Variants in KCNMB2 observed in about 807,000 individuals in gnomAD.
The protein encoded by KCNMB2 is calcium-activated potassium channel subunit beta-2.
KCNMB2 carries 9 observed loss-of-function variants against 24.5 expected under a neutral mutation model. That is an observed-to-expected ratio of 0.37 (90% CI 0.22 to 0.64). The LOEUF (loss-of-function observed/expected upper bound fraction) is 0.64, where lower values mean the gene tolerates loss of function less well. Ranked by LOEUF, KCNMB2 falls within the 30% of genes least tolerant of loss-of-function variation. The pLI, the probability that KCNMB2 is intolerant of heterozygous loss-of-function variation, is 0.63. For synonymous variants in KCNMB2, 109 were observed against 104.4 expected (o/e 1.04, Z -0.27); for missense variants, 226 against 284.3 (o/e 0.79, Z 1.47).
intron 1 of KCNMB2, among the ~76,000 whole-genome samples, chr3:178,623,997 A>G (rs1197131087): frequency 1.3e-5 from 2 of 152,196 alleles, no homozygotes; most frequent in East Asian, 1.9e-4. Flanking sequence ...GATAAATTAC[A>G]TCAGACACAG....
chr3:178,800,013 T>C (rs1278328374), intron 1 of KCNMB2, among the ~76,000 whole-genome samples: 1 of 152,086 alleles, frequency 6.6e-6, no homozygotes, highest in Non-Finnish European at 1.5e-5. Context: ...TCTTGCCATG[T>C]GCAAAAAACA....
At chr3:178,548,324 A>G (rs1349604565) in intron 1 of KCNMB2, among the ~76,000 whole-genome samples, 1 of 152,130 alleles carries the variant, frequency 6.6e-6, no homozygotes, top group Admixed American at 6.6e-5. Context: ...AGATCATGCA[A>G]ATGAATAGTT....
intron 1 of KCNMB2, among the ~76,000 whole-genome samples, chr3:178,581,943 G>A (rs1165586926): frequency 6.6e-6 from 1 of 152,216 alleles, no homozygotes; most frequent in African/African-American, 2.4e-5. Flanking sequence ...CATTGTGGAA[G>A]ACAGTGTGGC....
At chr3:178,592,176 A>T (rs1047825813) in intron 1 of KCNMB2, among the ~76,000 whole-genome samples, 1 of 152,138 alleles carries the variant, frequency 6.6e-6, no homozygotes, top group Non-Finnish European at 1.5e-5. Context: ...TGATCTGATT[A>T]TCTTAATCAC....
intron 1 of KCNMB2, among the ~76,000 whole-genome samples, chr3:178,661,499 T>C (rs1720528921): frequency 6.6e-6 from 1 of 152,156 alleles, no homozygotes; most frequent in African/African-American, 2.4e-5. Flanking sequence ...ATACAGTCTC[T>C]CTTGCGGTCA....
chr3:178,766,737 T>C (rs183584285), intron 1 of KCNMB2, among the ~76,000 whole-genome samples: 1 of 152,348 alleles, frequency 6.6e-6, no homozygotes, highest in Admixed American at 6.5e-5. Context: ...TGGACGTTAC[T>C]TTAGATGCAA....
intron 1 of KCNMB2, among the ~76,000 whole-genome samples, chr3:178,616,064 T>C (rs1718694141): frequency 6.6e-6 from 1 of 152,056 alleles, no homozygotes; most frequent in East Asian, 1.9e-4. Context: ...TCTTCCCCAC[T>C]CTTCCCTTTC....
At chr3:178,713,077 T>C (rs1458198379) in intron 1 of KCNMB2, among the ~76,000 whole-genome samples, 2 of 152,210 alleles carry the variant, frequency 1.3e-5, no homozygotes, top group African/African-American at 4.8e-5. Flanking sequence ...TGTTCAAATA[T>C]GAAATGGACT....
At chr3:178,631,604 T>A (rs1323082721) in intron 1 of KCNMB2, among the ~76,000 whole-genome samples, 3 of 152,184 alleles carry the variant, frequency 2.0e-5, no homozygotes, top group African/African-American at 7.2e-5. Flanking sequence ...GATGAACAGA[T>A]GAATAATTGT....
At chr3:178,619,996 G>T (rs1372160472) in intron 1 of KCNMB2, among the ~76,000 whole-genome samples, 1 of 152,130 alleles carries the variant, frequency 6.6e-6, no homozygotes, top group Admixed American at 6.5e-5. Flanking sequence ...CTATGTCTTA[G>T]TTCCTTTTGT....
chr3:178,582,621 AGTCATTCAAAAG>A (rs1473250039), intron 1 of KCNMB2, among the ~76,000 whole-genome samples: 3 of 152,210 alleles, frequency 2.0e-5, no homozygotes, highest in Non-Finnish European at 2.9e-5. Flanking sequence ...ATACAGGGCA[AGTCATTCAAAAG>A]GTCACTTTTT....
At chr3:178,638,682 G>C (rs960796201) in intron 1 of KCNMB2, among the ~76,000 whole-genome samples, 5 of 152,160 alleles carry the variant, frequency 3.3e-5, no homozygotes, top group African/African-American at 4.8e-5. Flanking sequence ...CATATGTATT[G>C]AGGTTGAAGT....
At chr3:178,642,385 C>T (rs1719758953) in intron 1 of KCNMB2, among the ~76,000 whole-genome samples, 1 of 152,136 alleles carries the variant, frequency 6.6e-6, no homozygotes, top group Non-Finnish European at 1.5e-5. Context: ...AAGATGACAC[C>T]TCTGTGGTTC....
intron 1 of KCNMB2, among the ~76,000 whole-genome samples, chr3:178,745,548 A>G (rs962525992): frequency 6.6e-6 from 1 of 152,092 alleles, no homozygotes; most frequent in Admixed American, 6.5e-5. Context: ...TTTCAAACCA[A>G]TCATGCCTTC....
chr3:178,734,361 C>G (rs1723250053), intron 1 of KCNMB2, among the ~76,000 whole-genome samples: 1 of 152,182 alleles, frequency 6.6e-6, no homozygotes, highest in African/African-American at 2.4e-5. Flanking sequence ...ATTAAGGATG[C>G]TCAATTGTAT....
chr3:178,660,295 C>T lies in KCNMB2; in HGVS notation c.-68+123584C>T, dbSNP rs572467861. On this transcript the variant is annotated intron_variant, in intron 1 of 4. Coordinates refer to ENST00000452583, the MANE Select transcript of KCNMB2 (RefSeq NM_181361.3). ...ACAGCACCAGACAATGGTAGGCATT[C>T]AACTGAAAATAGTCATTATTTTTAT... Among the ~76,000 whole-genome samples, 4 of 152,270 alleles carry T rather than the reference C, an allele frequency of 2.6e-5. No homozygotes were observed. The South Asian group carries it at 6.2e-4, about 24-fold the overall frequency.
intron 1 of KCNMB2, among the ~76,000 whole-genome samples, chr3:178,806,479 TG>T (rs1234980799): frequency 6.6e-6 from 1 of 152,212 alleles, no homozygotes; most frequent in African/African-American, 2.4e-5. Context: ...AAGCCACTAA[TG>T]ACTATGCATC....
chr3:178,675,493 G>T lies in KCNMB2; in HGVS notation c.-67-131850G>T, dbSNP rs180674890. On this transcript the variant is annotated intron_variant, in intron 1 of 4. Coordinates refer to ENST00000452583, the MANE Select transcript of KCNMB2 (RefSeq NM_181361.3). The stretch of plus-strand genomic sequence containing the variant: ...AGAACTGCTGACACACCTGCTCGGG[G>T]TGGACTCAGGGCAAAACCTGATCAA... Among the ~76,000 whole-genome samples the T allele has an allele frequency of 2.7e-3, 410 of 152,228 alleles. 2 individuals are homozygous for T. The highest frequency in any genetic ancestry group is 4.9e-3 in the Non-Finnish European group (331 of 68,020).
chr3:178,574,548 G>T (rs921609165), intron 1 of KCNMB2, among the ~76,000 whole-genome samples: 2 of 152,168 alleles, frequency 1.3e-5, no homozygotes, highest in Non-Finnish European at 2.9e-5. Context: ...CTAAGGGAGG[G>T]AATCTGCCTG....
Sources: gnomAD v4.1 joint callset for allele counts (sites outside exome capture counted in the v4.1 genomes callset) on GRCh38, gnomAD v4.1.1 for gene constraint, MANE v1.5 for transcripts, NCBI Gene and HGNC (gene_info 2026-07-23, HGNC 2026-07-21) for gene names.